PAK5: variants seen among roughly 807,000 people sequenced by gnomAD.
The protein encoded by PAK5 is serine/threonine-protein kinase PAK 5.
Under a neutral mutation model 65.9 loss-of-function variants are expected in PAK5, and 16 were observed. That is an observed-to-expected ratio of 0.24 (90% CI 0.16 to 0.37). The LOEUF (loss-of-function observed/expected upper bound fraction) is 0.37. Among genes scored for constraint, PAK5 ranks in the 10% least tolerant of loss-of-function variants. PAK5 has a pLI of 1.00. For missense variants in PAK5, 785 were observed against 903.9 expected (o/e 0.87, Z 1.69); for synonymous variants, 371 against 354.9 (o/e 1.05, Z -0.51).
chr20:9,660,238 C>T (rs750004990), intron 2 of PAK5, among the ~76,000 whole-genome samples: 11 of 151,846 alleles, frequency 7.2e-5, no homozygotes, highest in Non-Finnish European at 1.6e-4. Context: ...AAAACAGAGG[C>T]ACTGCACGTG....
chr20:9,767,720 C>T (rs1471095111), intron 1 of PAK5, among the ~76,000 whole-genome samples: 1 of 152,188 alleles, frequency 6.6e-6, no homozygotes, highest in Non-Finnish European at 1.5e-5. Context: ...CTTCTTGCTG[C>T]CACATTCAGC....
intron 2 of PAK5, among the ~76,000 whole-genome samples, chr20:9,701,990 C>T (rs75114379): frequency 0.016 from 2,493 of 151,876 alleles, 68 homozygotes; most frequent in African/African-American, 0.057. Context: ...ACAGAGAGAC[C>T]CTGTCTCAAA....
chr20:9,613,437 C>T (rs1437453059), intron 3 of PAK5, among the ~76,000 whole-genome samples: 5 of 152,108 alleles, frequency 3.3e-5, no homozygotes, highest in Admixed American at 2.0e-4. Context: ...GCTCAGTGTG[C>T]ACAGGTCTGG....
At chr20:9,759,321 TATC>T (rs2048671445) in intron 1 of PAK5, among the ~76,000 whole-genome samples, 1 of 152,200 alleles carries the variant, frequency 6.6e-6, no homozygotes, top group African/African-American at 2.4e-5. Context: ...ACCTGTTTCT[TATC>T]ATATCCTATA....
intron 4 of PAK5, among the ~76,000 whole-genome samples, chr20:9,571,552 C>T (rs1032891392): frequency 7.2e-5 from 11 of 152,332 alleles, no homozygotes; most frequent in South Asian, 4.1e-4. Context: ...GCCCACAGGC[C>T]GGCTCCCTTG....
chr20:9,786,725 A>G (rs2048996850), intron 1 of PAK5, among the ~76,000 whole-genome samples: 1 of 152,184 alleles, frequency 6.6e-6, no homozygotes, highest in African/African-American at 2.4e-5. Context: ...AATCTGTTTT[A>G]TGGATAAGTG....
At chr20:9,797,149 A>G (rs1460494149) in intron 1 of PAK5, among the ~76,000 whole-genome samples, 1 of 151,476 alleles carries the variant, frequency 6.6e-6, no homozygotes, top group Non-Finnish European at 1.5e-5. Context: ...AGTGATGATG[A>G]GCATTTTTTC....
intron 2 of PAK5, among the ~76,000 whole-genome samples, chr20:9,645,195 C>T (rs2047117703): frequency 6.6e-6 from 1 of 151,814 alleles, no homozygotes; most frequent in Admixed American, 6.6e-5. Flanking sequence ...GGGAGGAAGA[C>T]TCACTTTTCA....
intron 3 of PAK5, among the ~76,000 whole-genome samples, chr20:9,625,092 C>T (rs776005110): frequency 2.0e-5 from 3 of 152,130 alleles, no homozygotes; most frequent in South Asian, 4.1e-4. Flanking sequence ...CACCAGCCAT[C>T]TCCACTGGCA....
chr20:9,756,966 T>C (rs1191966676), intron 1 of PAK5, among the ~76,000 whole-genome samples: 2 of 152,192 alleles, frequency 1.3e-5, no homozygotes, highest in African/African-American at 4.8e-5. Context: ...AGCTACTGGT[T>C]ACACCAGCTT....
intron 3 of PAK5, among the ~76,000 whole-genome samples, chr20:9,583,362 T>C (rs2046013340): frequency 6.6e-6 from 1 of 152,240 alleles, no homozygotes; most frequent in Admixed American, 6.5e-5. Flanking sequence ...AGTGCTAGTA[T>C]AACTGTTCAG....
At position 9,610,427 on chromosome 20, in the gene PAK5, G is replaced by T. The variant is rs138507882; in HGVS notation, c.205-29497C>A. Among the ~76,000 whole-genome samples the T allele has an allele frequency of 2.5e-3, 382 of 152,226 alleles. 3 individuals carry two copies. The highest frequency in any genetic ancestry group is 8.4e-3 in the African/African-American group (350 of 41,528). On this transcript the variant is annotated intron_variant, in intron 3 of 9. Coordinates refer to ENST00000353224, the MANE Select transcript of PAK5 (RefSeq NM_177990.4). ...TCTAAAACAAAACTGCTGGGCATGG[G>T]GTTTTGATGTGGTTCCATCCCATGA... is the stretch of plus-strand genomic sequence containing the variant.
chr20:9,667,421 T>G (rs2047435221), intron 2 of PAK5, among the ~76,000 whole-genome samples: 1 of 109,164 alleles, frequency 9.2e-6, no homozygotes, highest in Non-Finnish European at 1.8e-5. Flanking sequence ...GCACTTGCTC[T>G]TGGAGTATTG....
chr20:9,599,577 C>T (rs6039522), intron 3 of PAK5, among the ~76,000 whole-genome samples: 46,542 of 152,068 alleles, frequency 0.31, 9,344 homozygotes, highest in African/African-American at 0.55. Context: ...TAGTATCTCA[C>T]TGTGATTTTT....
At chr20:9,762,205 G>A (rs1183853274) in intron 1 of PAK5, among the ~76,000 whole-genome samples, 1 of 152,106 alleles carries the variant, frequency 6.6e-6, no homozygotes, top group African/African-American at 2.4e-5. Context: ...GGTCTTGGCA[G>A]TAAATTTTTG....
chr20:9,613,019 T>C (rs2046592789), intron 3 of PAK5, among the ~76,000 whole-genome samples: 1 of 152,180 alleles, frequency 6.6e-6, no homozygotes, highest in Non-Finnish European at 1.5e-5. Flanking sequence ...GCTAATATTT[T>C]AGGTTTTGTG....
rs62194595 is a variant in PAK5 at position 9,718,875 on chromosome 20, A to G, written c.-161-7440T>C. Reference sequence around the variant, plus strand: ...CATCCAGTAGGTGAACTCCAAGTACACAAAATCATTCCATTACCGGGTTTG... The same window carrying G: ...CATCCAGTAGGTGAACTCCAAGTACGCAAAATCATTCCATTACCGGGTTTG... On this transcript the variant is annotated intron_variant, in intron 1 of 9. Coordinates refer to ENST00000353224, the MANE Select transcript of PAK5 (RefSeq NM_177990.4). Among the ~76,000 whole-genome samples, 193 of 152,300 alleles carry G rather than the reference A, an allele frequency of 1.3e-3. 1 individual carries two copies. Among genetic ancestry groups the G allele is most frequent in the Non-Finnish European group, 1.7e-3 (115 of 68,024 alleles).
intron 1 of PAK5, among the ~76,000 whole-genome samples, chr20:9,750,030 C>T (rs889802813): frequency 6.6e-6 from 1 of 152,096 alleles, no homozygotes; most frequent in East Asian, 1.9e-4. Flanking sequence ...TTTTATAGAT[C>T]CTGGCTGTTT....
intron 4 of PAK5, among the ~76,000 whole-genome samples, chr20:9,571,171 G>T (rs1291053651): frequency 1.3e-5 from 2 of 152,186 alleles, no homozygotes; most frequent in African/African-American, 4.8e-5. Context: ...TCAAGTGAGG[G>T]GACATGTAGT....
Sources: allele counts gnomAD v4.1 joint callset (sites outside exome capture counted in the v4.1 genomes callset), GRCh38; gene constraint gnomAD v4.1.1; transcripts MANE v1.5; gene names NCBI Gene and HGNC (gene_info 2026-07-23, HGNC 2026-07-21).